Variants in ADAMTSL1 observed in about 807,000 individuals in gnomAD.
ADAMTSL1 encodes ADAMTS-like protein 1.
A neutral mutation model predicts 201.8 loss-of-function variants in ADAMTSL1; 126 were observed. That is an observed-to-expected ratio of 0.62 (90% CI 0.54 to 0.72). The LOEUF is 0.72. ADAMTSL1 is among the 30% of genes least tolerant of loss of function. The pLI is 0.00. For synonymous variants in ADAMTSL1, 1,121 were observed against 903.4 expected, an observed-to-expected ratio of 1.24 and a Z score of -4.32; for missense variants, 2,679 against 2,277.8, an observed-to-expected ratio of 1.18 and a Z score of -3.59.
intron 2 of ADAMTSL1, among the ~76,000 whole-genome samples, chr9:18,522,975 C>G (rs1357915006): frequency 2.0e-5 from 3 of 152,208 alleles, no homozygotes; most frequent in South Asian, 4.2e-4. Context: ...ATGGCTGGGT[C>G]AAATGGTATT....
intron 2 of ADAMTSL1, among the ~76,000 whole-genome samples, chr9:18,223,702 T>C (rs546841745): frequency 1.3e-5 from 2 of 152,266 alleles, no homozygotes; most frequent in African/African-American, 4.8e-5. Context: ...CTGTTTTATG[T>C]ATTGTACCTG....
At chr9:18,237,381 T>G (rs1830889189) in intron 2 of ADAMTSL1, among the ~76,000 whole-genome samples, 1 of 152,232 alleles carries the variant, frequency 6.6e-6, no homozygotes, top group South Asian at 2.1e-4. Flanking sequence ...TTGGCCCTTA[T>G]AGATGTATTT....
At chr9:18,444,442 T>C (rs1820112609) in intron 2 of ADAMTSL1, among the ~76,000 whole-genome samples, 1 of 152,176 alleles carries the variant, frequency 6.6e-6, no homozygotes, top group South Asian at 2.1e-4. Flanking sequence ...AAATTCATGG[T>C]TCTCCAATGT....
intron 1 of ADAMTSL1, among the ~76,000 whole-genome samples, chr9:18,044,858 A>G (rs1280638062): frequency 6.6e-6 from 1 of 152,192 alleles, no homozygotes; most frequent in Non-Finnish European, 1.5e-5. Flanking sequence ...TCTGCGAAGT[A>G]TGGCTCTCTG....
intron 14 of ADAMTSL1, among the ~76,000 whole-genome samples, chr9:18,714,866 C>G (rs1832826069): frequency 6.6e-6 from 1 of 151,020 alleles, no homozygotes; most frequent in Admixed American, 6.6e-5. Flanking sequence ...ACTGGCAAAC[C>G]AAATCCAGCA....
At chr9:18,510,278 C>G (rs924033339) in intron 2 of ADAMTSL1, among the ~76,000 whole-genome samples, 1 of 152,106 alleles carries the variant, frequency 6.6e-6, no homozygotes, top group African/African-American at 2.4e-5. Flanking sequence ...ATTTTGTTCC[C>G]TGATGGACCG....
At chr9:18,691,893 A>G (rs1831243267) in intron 13 of ADAMTSL1, among the ~76,000 whole-genome samples, 1 of 152,204 alleles carries the variant, frequency 6.6e-6, no homozygotes, top group Non-Finnish European at 1.5e-5. Flanking sequence ...TGTTGTGATT[A>G]GGCCTTTTCT....
chr9:18,560,915 G>T, intron 3 of ADAMTSL1, among the ~76,000 whole-genome samples: 2 of 146,144 alleles, frequency 1.4e-5, no homozygotes, highest in South Asian at 2.2e-4. Context: ...TATTAGTCTG[G>T]CTAGTGCTCT....
At chr9:17,968,292 A>G (rs1004742051) in intron 1 of ADAMTSL1, among the ~76,000 whole-genome samples, 2 of 152,168 alleles carry the variant, frequency 1.3e-5, no homozygotes, top group Non-Finnish European at 2.9e-5. Context: ...GTATGGATGC[A>G]TTTGTGTGTG....
At chr9:18,147,824 A>G (rs948002346) in intron 1 of ADAMTSL1, among the ~76,000 whole-genome samples, 2 of 152,066 alleles carry the variant, frequency 1.3e-5, no homozygotes, top group African/African-American at 4.8e-5. Context: ...AGTTCAGAGC[A>G]CATCATTATA....
intron 13 of ADAMTSL1, among the ~76,000 whole-genome samples, chr9:18,702,977 G>T (rs2133311063): frequency 6.6e-6 from 1 of 152,208 alleles, no homozygotes; most frequent in Middle Eastern, 3.4e-3. Flanking sequence ...GGCCAGGCTG[G>T]TCTCAGACTC....
chr9:18,777,995 T>C, intron 19 of ADAMTSL1, 89 bp downstream of exon 19: 1 of 1,481,170 alleles, frequency 6.8e-7, no homozygotes, highest in Non-Finnish European at 9.0e-7. Context: ...TTCAAGGTGT[T>C]TCCAGGGGTA....
chr9:18,758,889 G>A (rs1819914469), intron 16 of ADAMTSL1, among the ~76,000 whole-genome samples: 1 of 152,108 alleles, frequency 6.6e-6, no homozygotes, highest in Non-Finnish European at 1.5e-5. Context: ...TTGGGAACCT[G>A]TCTTCCACTA....
intron 1 of ADAMTSL1, among the ~76,000 whole-genome samples, chr9:18,001,279 A>G (rs1441520091): frequency 6.6e-6 from 1 of 152,114 alleles, no homozygotes; most frequent in Non-Finnish European, 1.5e-5. Flanking sequence ...ATCATGAAAT[A>G]TATAGGAGAA....
chr9:18,313,692 T>C (rs1009088118), intron 2 of ADAMTSL1, among the ~76,000 whole-genome samples: 1 of 152,182 alleles, frequency 6.6e-6, no homozygotes, highest in Non-Finnish European at 1.5e-5. Flanking sequence ...GTCCTGAAAC[T>C]GTAAAACTCC....
At chr9:18,212,135 C>T (rs1388741255) in intron 2 of ADAMTSL1, among the ~76,000 whole-genome samples, 2 of 152,112 alleles carry the variant, frequency 1.3e-5, no homozygotes, top group Non-Finnish European at 2.9e-5. Flanking sequence ...TGTGTATTAA[C>T]GTGTATGTAT....
chr9:17,931,878 C>T (rs928492622), intron 1 of ADAMTSL1, among the ~76,000 whole-genome samples: 2 of 152,112 alleles, frequency 1.3e-5, no homozygotes, highest in African/African-American at 4.8e-5. Flanking sequence ...TGGCAAAATC[C>T]TTACAGCAGT....
At chr9:18,086,884 C>G (rs1300163123) in intron 1 of ADAMTSL1, among the ~76,000 whole-genome samples, 1 of 152,042 alleles carries the variant, frequency 6.6e-6, no homozygotes, top group Non-Finnish European at 1.5e-5. Flanking sequence ...GTGAATATTT[C>G]TTTTTAAAAA....
In ADAMTSL1 at chr9:18,776,948, C is replaced by A; in HGVS notation, c.2719C>A (p.Pro907Thr). ...CTGCCCGGCGCGCAGGGTCCGCAAG[C>A]CCCTCATCACCTGGGAGAAGGACGG... ...LRCPARRVRK[P>T]LITWEKDGQH... The change falls in exon 19 of 29, where the codon CCC (proline) becomes ACC (threonine). Residue 907 changes from proline to threonine, a missense_variant. Coordinates refer to ENST00000380548, the MANE Select transcript of ADAMTSL1 (RefSeq NM_001040272.6). 1.9e-6 allele frequency: 3 copies of A among 1,598,998 alleles called. No individual in the cohort carries two copies. Among genetic ancestry groups the A allele is most frequent in the South Asian group, 2.2e-5 (2 of 88,932 alleles).
Sources: allele counts gnomAD v4.1 joint callset (sites outside exome capture counted in the v4.1 genomes callset), GRCh38; gene constraint gnomAD v4.1.1; transcripts MANE v1.5; gene names NCBI Gene and HGNC (gene_info 2026-07-23, HGNC 2026-07-21).